The following SYNE1 variants were observed in gnomAD, a reference collection of about 807,000 sequenced individuals.
SYNE1 encodes nesprin-1.
In SYNE1, 616 loss-of-function variants were observed where a neutral mutation model predicts 1,111.0. The ratio of observed to expected loss-of-function variants is 0.55; its 90% CI spans 0.52 to 0.59. SYNE1 has a LOEUF of 0.59. Among genes scored for constraint, SYNE1 ranks in the 20% least tolerant of loss-of-function variants. SYNE1 has a pLI of 0.00. For synonymous variants in SYNE1, 3,855 were observed against 3,825.8 expected, an observed-to-expected ratio of 1.01 and a Z score of -0.28; for missense variants, 10,006 against 10,417.0, an observed-to-expected ratio of 0.96 and a Z score of 1.72.
At position 152,208,084 on chromosome 6, in the gene SYNE1, A is replaced by T; in HGVS notation, c.22712T>A (p.Met7571Lys). The change falls in exon 125 of 146, where the codon ATG becomes AAG. Residue 7571 changes from methionine (M) to lysine (K), a missense_variant. This residue lies in a region of SYNE1 where 2,182 missense variants were observed against 2,287.8 expected (regional missense o/e 0.95). Coordinates refer to ENST00000367255, the MANE Select transcript of SYNE1 (RefSeq NM_182961.4). ...CAACCATTTACGAAGCTTTTCTGCC[A>T]TCTCCCTATAGCGCTGCCACTGGCG... ...QIRQWQRYRE[M>K]AEKLRKWLVE... 3 of 1,614,068 alleles carry T rather than the reference A, an allele frequency of 1.9e-6. No homozygotes were observed. Among genetic ancestry groups the T allele is most frequent in the Non-Finnish European group, 2.5e-6 (3 of 1,179,998 alleles).
intron 116 of SYNE1, among the ~76,000 whole-genome samples, 176 bp from the exon 117 acceptor site, chr6:152,224,840 T>C (rs2081080001): frequency 6.7e-6 from 1 of 150,288 alleles, no homozygotes; most frequent in Non-Finnish European, 1.5e-5. Context: ...ACTTTGAAAT[T>C]TATGCCTTCC....
In SYNE1 at chr6:152,534,594, A is replaced by T. The variant is rs141262214; in HGVS notation, c.129+5366T>A. ...AACATATCCATCATCTCACCTACTT[A>T]TTGTAGCTTGAGAAAAACAACTAAA... On this transcript the variant is annotated intron_variant, in intron 4 of 145. Coordinates refer to ENST00000367255, the MANE Select transcript of SYNE1 (RefSeq NM_182961.4). 4.6e-5 allele frequency among the ~76,000 whole-genome samples: 7 copies of T among 152,280 alleles called. No individual in the cohort carries two copies. In the East Asian group the frequency reaches 5.8e-4, roughly 13 times the overall value.
intron 101 of SYNE1, among the ~76,000 whole-genome samples, chr6:152,261,472 C>T (rs150632949): frequency 4.6e-5 from 7 of 152,232 alleles, no homozygotes; most frequent in Non-Finnish European, 8.8e-5. Context: ...GAACCAAGCC[C>T]GACAGCACAC....
At chr6:152,515,435 C>T (rs1279917473) in intron 6 of SYNE1, among the ~76,000 whole-genome samples, 1 of 152,080 alleles carries the variant, frequency 6.6e-6, no homozygotes, top group African/African-American at 2.4e-5. Context: ...AGTCAACTGC[C>T]TGCCTTATTT....
intron 131 of SYNE1, among the ~76,000 whole-genome samples, chr6:152,162,743 T>A (rs1360064760): frequency 2.6e-5 from 4 of 152,150 alleles, no homozygotes; most frequent in Non-Finnish European, 5.9e-5. Context: ...TTTTGAGTAT[T>A]GTAAGAAATG....
At chr6:152,563,804 A>T (rs1326531090) in intron 3 of SYNE1, among the ~76,000 whole-genome samples, 1 of 152,218 alleles carries the variant, frequency 6.6e-6, no homozygotes, top group African/African-American at 2.4e-5. Flanking sequence ...TACACAAGAT[A>T]TAATCTTGTT....
intron 105 of SYNE1, among the ~76,000 whole-genome samples, chr6:152,247,590 T>C (rs1401283208): frequency 6.6e-6 from 1 of 151,166 alleles, no homozygotes; most frequent in Non-Finnish European, 1.5e-5. Context: ...CACAGCCGGA[T>C]GCGGTGGCTC....
chr6:152,355,100 TA>T, intron 66 of SYNE1, 124 bp from the exon 67 acceptor site: 1 of 1,029,968 alleles, frequency 9.7e-7, no homozygotes, highest in Non-Finnish European at 1.5e-6. Flanking sequence ...ATTTTATTAT[TA>T]TGCCCTATAC....
intron 33 of SYNE1, chr6:152,434,348 T>C (rs558619716): frequency 5.1e-6 from 1 of 195,982 alleles, no homozygotes; most frequent in Admixed American, 5.4e-5. Flanking sequence ...AGAAATGTTC[T>C]TCTTACACTT....
rs1371310884 is a variant in SYNE1 at position 152,225,562 on chromosome 6, TA to T, written c.21351+158del. Among the ~76,000 whole-genome samples the T allele has an allele frequency of 1.8e-3, 256 of 142,570 alleles. 1 individual carries two copies. Among genetic ancestry groups the T allele is most frequent in the Middle Eastern group, 3.6e-3 (1 of 280 alleles). 93.5% of individuals were successfully genotyped at this position (142,570 alleles called of 152,430 possible). Reference sequence around the variant, plus strand: ...CTAGAAAACACCAGAAACTAGACTTTAAAAAAAAAAAAGAGGATAACGAAGT... The same window carrying T: ...CTAGAAAACACCAGAAACTAGACTTTAAAAAAAAAAAGAGGATAACGAAGT... On this transcript the variant is annotated intron_variant, in intron 116 of 145. Coordinates refer to ENST00000367255, the MANE Select transcript of SYNE1 (RefSeq NM_182961.4).
At chr6:152,444,194 G>A (rs111982517) in intron 30 of SYNE1, among the ~76,000 whole-genome samples, 11 of 152,028 alleles carry the variant, frequency 7.2e-5, no homozygotes, top group African/African-American at 1.5e-4. Flanking sequence ...CAAGTCACTC[G>A]GTCTGGAAAT....
At chr6:152,244,470 G>C in intron 106 of SYNE1, 67 bp downstream of exon 106, 1 of 1,609,754 alleles carries the variant, frequency 6.2e-7, no homozygotes, top group South Asian at 1.1e-5. Context: ...GAAAAATAAA[G>C]TGATTTTTTC....
rs2154198616 is a variant in SYNE1, at chr6:152,428,319, T to C, written c.4862A>G (p.Asn1621Ser). 1.2e-6 allele frequency: 2 copies of C among 1,614,144 alleles called. No individual in the cohort carries two copies. The highest frequency in any genetic ancestry group is 1.3e-5 in the African/African-American group (1 of 75,044). The change falls in exon 37 of 146, where the codon AAC (asparagine) becomes AGC (serine). Residue 1621 changes from asparagine to serine, a missense_variant. Asn to Ser is a conservative substitution (Grantham distance 46). Coordinates refer to ENST00000367255, the MANE Select transcript of SYNE1 (RefSeq NM_182961.4). ...AGCCTCCTGAACACAGGAATCTCTG[T>C]TCACAACCTTCCTGGCACTGGCTGA... ...AFSASARKVVNRDSCVQEAAA... is the reference protein window; with the variant it reads ...AFSASARKVVSRDSCVQEAAA...
rs763569389 is a variant in SYNE1 at position 152,132,122 on chromosome 6, C to T, written c.26094G>A (p.Thr8698=). Residue 8698 remains threonine, a splice_region_variant and synonymous_variant, in exon 144 of 146, where the codon ACG becomes ACA. Coordinates refer to ENST00000367255, the MANE Select transcript of SYNE1 (RefSeq NM_182961.4). ...CTGAAAACGACCAGTGGAAAGTTAC[C>T]GTTTTCTGTCTGTTTGGGGTGCTCC... ...SGRSTPNRQK[T]PRGKCSLSQP... 1.1e-5 allele frequency: 17 copies of T among 1,613,778 alleles called. No individual in the cohort carries two copies. The Admixed American group carries it at 1.7e-4, about 16-fold the overall frequency.
At chr6:152,441,924 T>C in intron 31 of SYNE1, 151 bp downstream of exon 31, 1 of 935,108 alleles carries the variant, frequency 1.1e-6, no homozygotes, top group Middle Eastern at 3.3e-4. Context: ...AAGGCTGATG[T>C]GATGATTAAA....
chr6:152,474,399 C>A (rs1218477585), intron 14 of SYNE1, among the ~76,000 whole-genome samples: 6 of 151,790 alleles, frequency 4.0e-5, no homozygotes, highest in Non-Finnish European at 1.5e-5. Context: ...AACAAATAGA[C>A]AAATCCAGAT....
intron 121 of SYNE1, among the ~76,000 whole-genome samples, chr6:152,215,389 C>A (rs1253211707): frequency 6.6e-6 from 1 of 151,846 alleles, no homozygotes; most frequent in Non-Finnish European, 1.5e-5. Context: ...TTTATTTACA[C>A]GTATTATATT....
intron 97 of SYNE1, among the ~76,000 whole-genome samples, chr6:152,279,182 C>T (rs1356662418): frequency 7.9e-6 from 1 of 125,900 alleles, no homozygotes; most frequent in Non-Finnish European, 1.6e-5. Flanking sequence ...AAGGTCTCCT[C>T]TAAAATGGAG....
chr6:152,314,587 A>G (rs2095650905), intron 87 of SYNE1, among the ~76,000 whole-genome samples: 1 of 151,456 alleles, frequency 6.6e-6, no homozygotes, highest in African/African-American at 2.4e-5. Flanking sequence ...TAAATAATCA[A>G]CTCCCTGGGG....
Sources: allele counts gnomAD v4.1 joint callset (sites outside exome capture counted in the v4.1 genomes callset), GRCh38; gene constraint gnomAD v4.1.1; regional missense constraint gnomAD v4.1.1; transcripts MANE v1.5; gene names NCBI Gene and HGNC (gene_info 2026-07-23, HGNC 2026-07-21).